Variants in NRXN1 observed in about 807,000 individuals in gnomAD.
NRXN1 encodes neurexin-1.
A neutral mutation model predicts 150.9 loss-of-function variants in NRXN1; 39 were observed. The observed-to-expected ratio is 0.26, with a 90% CI of 0.20 to 0.34. The LOEUF is 0.34. NRXN1 is among the 10% of genes least tolerant of loss of function. NRXN1 has a pLI of 1.00. For synonymous variants in NRXN1, 924 were observed against 757.0 expected, an observed-to-expected ratio of 1.22 and a Z score of -3.62; for missense variants, 1,815 against 1,949.9, an observed-to-expected ratio of 0.93 and a Z score of 1.30.
chr2:50,618,293 GTCTAA>G (rs1679371631), intron 8 of NRXN1, among the ~76,000 whole-genome samples: 1 of 152,070 alleles, frequency 6.6e-6, no homozygotes, highest in Admixed American at 6.6e-5. Flanking sequence ...ATCCCTGCCT[GTCTAA>G]ATTAGTCACT....
intron 12 of NRXN1, among the ~76,000 whole-genome samples, chr2:50,518,260 A>G (rs2092684937): frequency 6.6e-6 from 1 of 152,072 alleles, no homozygotes. Context: ...CTCAACTGGC[A>G]AGTTTAAGAA....
intron 5 of NRXN1, among the ~76,000 whole-genome samples, chr2:50,844,296 T>C (rs1488390527): frequency 1.3e-5 from 2 of 152,190 alleles, no homozygotes; most frequent in Non-Finnish European, 2.9e-5. Flanking sequence ...TGTAAGGTTA[T>C]ACCCTGCTCC....
At chr2:50,489,491 A>G (rs1164314158) in intron 15 of NRXN1, among the ~76,000 whole-genome samples, 1 of 152,048 alleles carries the variant, frequency 6.6e-6, no homozygotes, top group African/African-American at 2.4e-5. Context: ...CGCAACTTCT[A>G]TCTTCTGAGC....
chr2:50,127,497 G>A (rs1704778141), intron 18 of NRXN1, among the ~76,000 whole-genome samples: 2 of 152,192 alleles, frequency 1.3e-5, no homozygotes, highest in South Asian at 4.1e-4. Flanking sequence ...GTTCCTTAGA[G>A]TTCGGTTTTC....
chr2:51,019,480 G>A (rs1315827296), intron 2 of NRXN1, among the ~76,000 whole-genome samples: 1 of 151,994 alleles, frequency 6.6e-6, no homozygotes, highest in African/African-American at 2.4e-5. Flanking sequence ...TACCTTTAAG[G>A]AGAGGCATCT....
chr2:49,998,284 T>A (rs1196897360), intron 21 of NRXN1, among the ~76,000 whole-genome samples: 1 of 152,196 alleles, frequency 6.6e-6, no homozygotes. Flanking sequence ...CAGACTACTA[T>A]ATGACCCGTG....
intron 5 of NRXN1, among the ~76,000 whole-genome samples, chr2:50,771,782 T>C (rs1287875683): frequency 6.6e-6 from 1 of 152,060 alleles, no homozygotes; most frequent in Non-Finnish European, 1.5e-5. Context: ...GTGATGAACC[T>C]AGGGACACAC....
At chr2:50,456,749 G>A (rs2087602095) in intron 17 of NRXN1, among the ~76,000 whole-genome samples, 1 of 151,388 alleles carries the variant, frequency 6.6e-6, no homozygotes, top group Non-Finnish European at 1.5e-5. Context: ...TATTAATCTT[G>A]TATTAACTTT....
At chr2:50,357,313 T>A (rs1008827277) in intron 17 of NRXN1, among the ~76,000 whole-genome samples, 6 of 151,782 alleles carry the variant, frequency 4.0e-5, no homozygotes, top group Non-Finnish European at 5.9e-5. Flanking sequence ...TTTTTTTTTT[T>A]ATTTATTATT....
chr2:50,456,555 A>T (rs889737339), intron 17 of NRXN1, among the ~76,000 whole-genome samples: 1 of 152,108 alleles, frequency 6.6e-6, no homozygotes, highest in African/African-American at 2.4e-5. Flanking sequence ...TTGTTCAGGG[A>T]AGCAAAAGGG....
chr2:50,061,093 A>G (rs2152644651), intron 19 of NRXN1, among the ~76,000 whole-genome samples: 1 of 152,312 alleles, frequency 6.6e-6, no homozygotes, highest in South Asian at 2.1e-4. Flanking sequence ...GTTGCATACT[A>G]AAAGGGGTAA....
chr2:50,071,617 CT>C (rs1189763594), intron 19 of NRXN1, among the ~76,000 whole-genome samples: 23 of 152,222 alleles, frequency 1.5e-4, no homozygotes, highest in African/African-American at 4.8e-4. Flanking sequence ...TGATTTTGGA[CT>C]TCCAGCCTCC....
intron 17 of NRXN1, among the ~76,000 whole-genome samples, chr2:50,337,415 G>A (rs978505498): frequency 1.3e-5 from 2 of 152,084 alleles, no homozygotes; most frequent in Non-Finnish European, 2.9e-5. Context: ...TGGCCTGCTT[G>A]GGTTTGAATC....
At chr2:50,662,137 C>T (rs1300212962) in intron 5 of NRXN1, among the ~76,000 whole-genome samples, 2 of 152,004 alleles carry the variant, frequency 1.3e-5, no homozygotes, top group African/African-American at 2.4e-5. Context: ...AATGTCCTTA[C>T]CACAGCTTGC....
intron 10 of NRXN1, among the ~76,000 whole-genome samples, chr2:50,533,957 T>G (rs949348697): frequency 6.6e-6 from 1 of 152,268 alleles, no homozygotes; most frequent in Middle Eastern, 3.4e-3. Flanking sequence ...TTGTAGAGTA[T>G]TATCTGTATA....
chr2:50,037,307 C>A (rs1690191516), intron 21 of NRXN1, among the ~76,000 whole-genome samples: 2 of 129,116 alleles, frequency 1.5e-5, no homozygotes, highest in African/African-American at 3.0e-5. Context: ...TAATTACAAT[C>A]AAAATTTATA....
intron 17 of NRXN1, among the ~76,000 whole-genome samples, chr2:50,445,148 T>C (rs1468650783): frequency 6.6e-6 from 1 of 152,188 alleles, no homozygotes; most frequent in Non-Finnish European, 1.5e-5. Context: ...TTTATTCATG[T>C]GCTGTCCTAA....
At chr2:50,836,321 T>C (rs1248433503) in intron 5 of NRXN1, among the ~76,000 whole-genome samples, 1 of 152,164 alleles carries the variant, frequency 6.6e-6, no homozygotes, top group Non-Finnish European at 1.5e-5. Flanking sequence ...CATTTTTTTG[T>C]GGTAAAAACA....
At chr2:50,141,589 G>C (rs968465429) in intron 18 of NRXN1, among the ~76,000 whole-genome samples, 5 of 151,946 alleles carry the variant, frequency 3.3e-5, no homozygotes, top group Admixed American at 3.3e-4. Context: ...AATAAACAAG[G>C]AGCTGAAACA....
Sources: gnomAD v4.1 joint callset for allele counts (sites outside exome capture counted in the v4.1 genomes callset) on GRCh38, gnomAD v4.1.1 for gene constraint, MANE v1.5 for transcripts, NCBI Gene and HGNC (gene_info 2026-07-23, HGNC 2026-07-21) for gene names.